PREX2: variants seen among roughly 807,000 people sequenced by gnomAD.
PREX2 encodes the protein phosphatidylinositol-3,4,5-trisphosphate dependent Rac exchange factor 2, also known as phosphatidylinositol 3,4,5-trisphosphate-dependent Rac exchanger 2 protein.
Under a neutral mutation model 203.2 loss-of-function variants are expected in PREX2, and 107 were observed. That is an observed-to-expected ratio of 0.53 (90% confidence interval 0.45 to 0.62). The LOEUF is 0.62. Among genes scored for constraint, PREX2 ranks in the 20% least tolerant of loss-of-function variants. PREX2 has a pLI of 0.00. For missense variants in PREX2, 1,777 were observed against 1,955.9 expected (o/e 0.91, Z 1.72); for synonymous variants, 672 against 663.6 (o/e 1.01, Z -0.19).
intron 37 of PREX2, among the ~76,000 whole-genome samples, chr8:68,205,463 G>A (rs1453802296): frequency 6.6e-6 from 1 of 152,176 alleles, no homozygotes; most frequent in East Asian, 1.9e-4. Context: ...GGGTGAATAA[G>A]GTGGGAAAGT....
At chr8:68,174,779 A>G (rs1293597575) in intron 35 of PREX2, among the ~76,000 whole-genome samples, 1 of 152,174 alleles carries the variant, frequency 6.6e-6, no homozygotes, top group Non-Finnish European at 1.5e-5. Flanking sequence ...AAATGTTTGT[A>G]TGTACGTGAA....
chr8:68,133,390 A>T (rs1406747647), intron 31 of PREX2, among the ~76,000 whole-genome samples: 1 of 152,196 alleles, frequency 6.6e-6, no homozygotes, highest in Non-Finnish European at 1.5e-5. Context: ...GCAGGATAAG[A>T]ATCCTGGTAA....
chr8:68,208,494 C>A (rs1812683199), intron 37 of PREX2, among the ~76,000 whole-genome samples: 1 of 152,166 alleles, frequency 6.6e-6, no homozygotes, highest in African/African-American at 2.4e-5. Context: ...TAAATAACTT[C>A]TATGTCTCAT....
At chr8:68,004,301 G>A (rs1807030175) in intron 1 of PREX2, among the ~76,000 whole-genome samples, 1 of 152,144 alleles carries the variant, frequency 6.6e-6, no homozygotes, top group Non-Finnish European at 1.5e-5. Context: ...TAATTTGTAT[G>A]GCTGGTGAAA....
chr8:67,984,444 C>A (rs1247334694), intron 1 of PREX2, among the ~76,000 whole-genome samples: 1 of 152,132 alleles, frequency 6.6e-6, no homozygotes. Context: ...AGTATGTTAT[C>A]GCAGTGTCAT....
At chr8:68,179,312 A>G (rs1400925635) in intron 35 of PREX2, among the ~76,000 whole-genome samples, 1 of 152,096 alleles carries the variant, frequency 6.6e-6, no homozygotes, top group Non-Finnish European at 1.5e-5. Flanking sequence ...TTGAGTGACA[A>G]TGAGCTAGGG....
At chr8:68,217,548 A>G in intron 37 of PREX2, 68 bp from the exon 38 acceptor site, 1 of 1,107,098 alleles carries the variant, frequency 9.0e-7, no homozygotes, top group Non-Finnish European at 1.4e-6. Flanking sequence ...TGTGATTAGT[A>G]ATCCACATCA....
intron 8 of PREX2, among the ~76,000 whole-genome samples, chr8:68,051,339 GTATAATA>G (rs1808521354): frequency 1.4e-5 from 2 of 146,686 alleles, no homozygotes; most frequent in Non-Finnish European, 2.9e-5. Context: ...ATGGTTAAAG[GTATAATA>G]ACATGAGTGG....
intron 33 of PREX2, among the ~76,000 whole-genome samples, chr8:68,143,416 C>T (rs1811264768): frequency 6.6e-6 from 1 of 152,164 alleles, no homozygotes; most frequent in Non-Finnish European, 1.5e-5. Context: ...CCTGAGGCCT[C>T]CTCAGAAGCT....
At chr8:68,203,623 A>G (rs1812550963) in intron 37 of PREX2, among the ~76,000 whole-genome samples, 1 of 152,156 alleles carries the variant, frequency 6.6e-6, no homozygotes, top group Admixed American at 6.5e-5. Flanking sequence ...TGGAAATGTG[A>G]GAAAAGAATA....
intron 35 of PREX2, among the ~76,000 whole-genome samples, chr8:68,176,253 T>C (rs778741871): frequency 6.6e-6 from 1 of 152,206 alleles, no homozygotes; most frequent in Non-Finnish European, 1.5e-5. Context: ...GTATTTTCAG[T>C]AGATCTAATA....
At chr8:68,019,275 G>A (rs1042614200) in intron 2 of PREX2, among the ~76,000 whole-genome samples, 6 of 152,222 alleles carry the variant, frequency 3.9e-5, no homozygotes, top group Admixed American at 3.3e-4. Context: ...AACTCTGCTG[G>A]TTTCCATGCA....
intron 15 of PREX2, among the ~76,000 whole-genome samples, chr8:68,078,056 A>G (rs1418609379): frequency 6.6e-6 from 1 of 152,214 alleles, no homozygotes; most frequent in African/African-American, 2.4e-5. Context: ...TCATCAAACA[A>G]TAATTTTTAA....
chr8:68,229,504 CAAAT>C (rs1025862614), intron 39 of PREX2, among the ~76,000 whole-genome samples: 3 of 152,176 alleles, frequency 2.0e-5, no homozygotes, highest in African/African-American at 7.2e-5. Flanking sequence ...TGTTTGAACT[CAAAT>C]AACCCTGAGT....
chr8:68,051,444 A>G (rs1287977494), intron 8 of PREX2, among the ~76,000 whole-genome samples: 1 of 152,122 alleles, frequency 6.6e-6, no homozygotes, highest in Non-Finnish European at 1.5e-5. Flanking sequence ...CCTGAAAAAA[A>G]GCTTGGGCTT....
At chr8:68,033,307 A>G (rs564420319) in intron 6 of PREX2, among the ~76,000 whole-genome samples, 1 of 152,278 alleles carries the variant, frequency 6.6e-6, no homozygotes, top group South Asian at 2.1e-4. Flanking sequence ...GGGATGATAT[A>G]TAATACCTCT....
chr8:67,971,337 ATATTGCTGATGCTT>A lies in PREX2; in HGVS notation c.141+18803_141+18816del, dbSNP rs201125539. Among the ~76,000 whole-genome samples, 195 of 152,316 alleles carry A rather than the reference ATATTGCTGATGCTT, an allele frequency of 1.3e-3. 1 individual carries two copies. The highest frequency in any genetic ancestry group is 4.8e-3 in the East Asian group (25 of 5,170). On this transcript the variant is annotated intron_variant, in intron 1 of 39. Coordinates refer to ENST00000288368, the MANE Select transcript of PREX2 (RefSeq NM_024870.4). ...GTCAGAAAGACTAAATCGGTGAGGAATATTGCTGATGCTTGGACCTCGGTCCAGACCAGCTTAAT... is the reference window on the plus strand; with the variant it reads ...GTCAGAAAGACTAAATCGGTGAGGAAGGACCTCGGTCCAGACCAGCTTAAT...
rs536140742 is a variant in PREX2 at position 68,122,075 on chromosome 8, A to C, written c.3724+1026A>C. 8.1e-4 allele frequency among the ~76,000 whole-genome samples: 123 copies of C among 152,138 alleles called. 2 individuals carry two copies. The highest frequency in any genetic ancestry group is 9.2e-4 in the Admixed American group (14 of 15,258). The stretch of plus-strand genomic sequence containing the variant: ...AAAGAGAGCTGTAAATTTTGCTGAC[A>C]AAAGACAACCCCTTATATCAAATGG... On this transcript the variant is annotated intron_variant, in intron 30 of 39. Coordinates refer to ENST00000288368, the MANE Select transcript of PREX2 (RefSeq NM_024870.4).
chr8:68,163,138 A>G (rs1481522043), intron 35 of PREX2, among the ~76,000 whole-genome samples: 2 of 152,198 alleles, frequency 1.3e-5, no homozygotes, highest in Non-Finnish European at 2.9e-5. Context: ...GTTATAGACA[A>G]CATACAAAAA....
Sources: allele counts gnomAD v4.1 joint callset (sites outside exome capture counted in the v4.1 genomes callset), GRCh38; gene constraint gnomAD v4.1.1; transcripts MANE v1.5; gene names NCBI Gene and HGNC (gene_info 2026-07-23, HGNC 2026-07-21).